The following CASP8 variants were observed in gnomAD, a reference collection of about 807,000 sequenced individuals.
CASP8 encodes caspase-8.
In CASP8, 24 loss-of-function variants were observed where a neutral mutation model predicts 46.3. The ratio of observed to expected loss-of-function variants is 0.52; its 90% confidence interval spans 0.38 to 0.73. The LOEUF (loss-of-function observed/expected upper bound fraction) is 0.73, where lower values mean the gene tolerates loss of function less well. Ranked by LOEUF, CASP8 falls within the 30% of genes least tolerant of loss-of-function variation. The pLI, the probability that CASP8 is intolerant of heterozygous loss-of-function variation, is 0.00. For missense variants in CASP8, 460 were observed against 559.0 expected (o/e 0.82, Z 1.79); for synonymous variants, 188 against 200.4 (o/e 0.94, Z 0.52).
At chr2:201,261,667 G>A (rs1193165568) in intron 1 of CASP8, among the ~76,000 whole-genome samples, 1 of 152,300 alleles carries the variant, frequency 6.6e-6, no homozygotes, top group East Asian at 1.9e-4. Context: ...GGGGCAGCCC[G>A]CAGTCTGAGG....
intron 2 of CASP8, among the ~76,000 whole-genome samples, chr2:201,252,458 T>C (rs1946829299): frequency 6.6e-6 from 1 of 152,180 alleles, no homozygotes; most frequent in Non-Finnish European, 1.5e-5. Context: ...GTATTTTTAG[T>C]AGAGACGGGC....
chr2:201,246,920 G>A (rs754521614), intron 2 of CASP8, among the ~76,000 whole-genome samples: 1 of 152,084 alleles, frequency 6.6e-6, no homozygotes, highest in South Asian at 2.1e-4. Flanking sequence ...AAGTTGTCTG[G>A]GCACAGTGGC....
intron 1 of CASP8, among the ~76,000 whole-genome samples, chr2:201,265,339 C>T (rs1947725920): frequency 6.6e-6 from 1 of 150,446 alleles, no homozygotes; most frequent in Non-Finnish European, 1.5e-5. Flanking sequence ...CGCGACACTG[C>T]ACTCCAGCTT....
chr2:201,251,194 G>A (rs1209341567), intron 2 of CASP8, among the ~76,000 whole-genome samples: 1 of 152,210 alleles, frequency 6.6e-6, no homozygotes, highest in Non-Finnish European at 1.5e-5. Context: ...TGGCAGTTAT[G>A]AATTATGAAT....
Position 201,266,763 on chromosome 2 carries a change from C to A in CASP8, c.277C>A (p.Pro93Thr). The A allele has an allele frequency of 1.2e-6, 2 of 1,613,084 alleles. No homozygotes were observed. The highest frequency in any genetic ancestry group is 1.7e-6 in the Non-Finnish European group (2 of 1,179,258). ...GGAGATGGAAAGGGAACTTCAGACA[C>A]CAGGCAGGGCTCAAATTTCTGCCTA... ...KEEMERELQT[P>T]GRAQISAYRV... The change falls in exon 2 of 9, where the codon CCA (proline) becomes ACA (threonine). Residue 93 changes from proline to threonine, a missense_variant. Pro to Thr is a conservative substitution (Grantham distance 38). Transcript: ENST00000673742. The surrounding 1 kb of genome is among the most constrained non-coding windows in gnomAD (Gnocchi z 5.7).
intron 8 of CASP8, among the ~76,000 whole-genome samples, chr2:201,285,664 T>C (rs1949525445): frequency 6.6e-6 from 1 of 152,194 alleles, no homozygotes. Context: ...AGTCATATAC[T>C]CCAGCTCTCT....
At chr2:201,261,004 CCCA>C (rs1266640737) in intron 1 of CASP8, among the ~76,000 whole-genome samples, 9 of 152,310 alleles carry the variant, frequency 5.9e-5, no homozygotes, top group Admixed American at 5.9e-4. Context: ...AACACACATA[CCCA>C]CCAACATACA....
intron 2 of CASP8, among the ~76,000 whole-genome samples, chr2:201,236,885 C>G (rs956468362): frequency 5.0e-4 from 76 of 152,310 alleles, no homozygotes; most frequent in South Asian, 1.4e-3. Context: ...AGATGACAGG[C>G]GTGGGCCACT....
chr2:201,273,058 C>CA, intron 5 of CASP8, 116 bp downstream of exon 5: 1 of 596,048 alleles, frequency 1.7e-6, no homozygotes, highest in Non-Finnish European at 2.8e-6. Context: ...TCTACTTTTT[C>CA]TTTTTTTTTT....
At chr2:201,255,510 C>T (rs1355967214) in intron 2 of CASP8, among the ~76,000 whole-genome samples, 1 of 152,204 alleles carries the variant, frequency 6.6e-6, no homozygotes, top group Non-Finnish European at 1.5e-5. Flanking sequence ...AGTACTGCTC[C>T]TCAGATGCCT....
intron 1 of CASP8, among the ~76,000 whole-genome samples, chr2:201,261,391 CAA>C (rs11335061): frequency 0.034 from 3,039 of 88,510 alleles, 37 homozygotes; most frequent in African/African-American, 0.089. Context: ...AACTCCGTCT[CAA>C]AAAAAAAAAA....
chr2:201,270,280 A>T (rs182333038), intron 2 of CASP8, among the ~76,000 whole-genome samples: 1 of 152,350 alleles, frequency 6.6e-6, no homozygotes, highest in Admixed American at 6.5e-5. Flanking sequence ...GTGTGTTGCC[A>T]AAGACTGATT....
At position 201,254,486 on chromosome 2, in the gene CASP8, A is replaced by G. The variant is rs1441813131; in HGVS notation, c.-26-11975A>G. Among the ~76,000 whole-genome samples, 3 of 152,222 alleles carry G rather than the reference A, an allele frequency of 2.0e-5. No homozygotes were observed. In the East Asian group the frequency reaches 5.8e-4, roughly 29 times the overall value. ...AGTAGCCAAGGCCAGCTGCCAGTCA[A>G]GGAAAGGGGAGCGGCCCCGTTGAAT... On this transcript the variant is annotated intron_variant, in intron 2 of 6. Coordinates refer to the CASP8 transcript ENST00000264274.
intron 2 of CASP8, among the ~76,000 whole-genome samples, chr2:201,237,438 T>TAAAAAAAA (rs774127508): frequency 2.2e-5 from 1 of 46,054 alleles, no homozygotes. Context: ...ATCTTCAGAG[T>TAAAAAAAA]AAAAAAAAAA....
At chr2:201,240,594 A>G (rs192581707) in intron 2 of CASP8, 1 of 152,358 alleles carries the variant, frequency 6.6e-6, no homozygotes, top group African/African-American at 2.4e-5. Flanking sequence ...AGACTTCAAC[A>G]CTGTACTTTA....
intron 8 of CASP8, 92 bp from the exon 9 acceptor site, chr2:201,286,358 GAGAGAAAGA>G: frequency 7.1e-7 from 1 of 1,415,722 alleles, no homozygotes; most frequent in Non-Finnish European, 9.9e-7. Context: ...CTGATATTTT[GAGAGAAAGA>G]ACTACAGAAC....
At chr2:201,264,941 G>T (rs1292845103) in intron 1 of CASP8, among the ~76,000 whole-genome samples, 1 of 152,194 alleles carries the variant, frequency 6.6e-6, no homozygotes, top group African/African-American at 2.4e-5. Context: ...CGGTAGGGCT[G>T]GGGGCCAGCT....
At position 201,284,943 on chromosome 2, in the gene CASP8, C is replaced by T; in HGVS notation, c.930C>T (p.Phe310=). ...QLMDHSNMDC[F]ICCILSHGDK... is the part of the protein sequence containing the mutation. ...TGGACCACAGTAACATGGACTGCTT[C>T]ATCTGCTGTATCCTCTCCCATGGAG... The change falls in exon 8 of 9, where the codon TTC becomes TTT. Residue 310 remains phenylalanine (F), a synonymous_variant. Transcript: ENST00000673742. 1 of 1,614,168 alleles carries T rather than the reference C, an allele frequency of 6.2e-7. No individual in the cohort carries two copies. The highest frequency in any genetic ancestry group is 8.5e-7 in the Non-Finnish European group (1 of 1,180,032).
At chr2:201,242,109 C>A (rs990981224) in intron 2 of CASP8, 1 of 152,110 alleles carries the variant, frequency 6.6e-6, no homozygotes, top group Non-Finnish European at 1.5e-5. Context: ...TAGATGTGAG[C>A]TTTTCATATA....
Sources: allele counts gnomAD v4.1 joint callset (sites outside exome capture counted in the v4.1 genomes callset), GRCh38; gene constraint gnomAD v4.1.1; non-coding constraint Gnocchi (gnomAD v3.1); transcripts MANE v1.5; gene names NCBI Gene and HGNC (gene_info 2026-07-23, HGNC 2026-07-21).